The following LRRN2 variants were observed in gnomAD, a reference collection of about 807,000 sequenced individuals.
The protein encoded by LRRN2 is leucine-rich repeat neuronal protein 2.
Under a neutral mutation model 35.7 loss-of-function variants are expected in LRRN2, and 10 were observed. The observed-to-expected ratio is 0.28, with a 90% CI of 0.17 to 0.47. The LOEUF (loss-of-function observed/expected upper bound fraction) is 0.47. Ranked by LOEUF, LRRN2 falls within the 20% of genes least tolerant of loss-of-function variation. The pLI is 0.99. For synonymous variants in LRRN2, 391 were observed against 409.6 expected (o/e 0.95, Z 0.55); for missense variants, 731 against 940.3 (o/e 0.78, Z 2.91).
At chr1:204,644,078 T>C (rs1668045587) in intron 1 of LRRN2, among the ~76,000 whole-genome samples, 1 of 152,198 alleles carries the variant, frequency 6.6e-6, no homozygotes, top group Non-Finnish European at 1.5e-5. Flanking sequence ...CCAGCAGGCA[T>C]GGGCAGGGAC....
intron 1 of LRRN2, among the ~76,000 whole-genome samples, chr1:204,655,855 T>C (rs1282657952): frequency 2.6e-5 from 4 of 152,186 alleles, no homozygotes; most frequent in Admixed American, 2.6e-4. Context: ...AGCAGCACAG[T>C]GGCCCCCAGA....
chr1:204,644,662 G>A (rs954789607), intron 1 of LRRN2, among the ~76,000 whole-genome samples: 4 of 152,194 alleles, frequency 2.6e-5, no homozygotes, highest in African/African-American at 9.7e-5. Flanking sequence ...TTTAGCATGA[G>A]CCATGGCAAG....
intron 1 of LRRN2, among the ~76,000 whole-genome samples, chr1:204,651,970 G>A (rs1183004623): frequency 6.6e-6 from 1 of 152,200 alleles, no homozygotes; most frequent in East Asian, 1.9e-4. Flanking sequence ...CAGGGCCCAG[G>A]TGTCTCCCAG....
chr1:204,684,136 C>A (rs1265753009), intron 1 of LRRN2, among the ~76,000 whole-genome samples: 1 of 152,132 alleles, frequency 6.6e-6, no homozygotes, highest in Non-Finnish European at 1.5e-5. Context: ...ATGGGGAGAC[C>A]TACATCTTCC....
intron 1 of LRRN2, among the ~76,000 whole-genome samples, chr1:204,658,841 C>G: frequency 6.6e-6 from 1 of 152,234 alleles, no homozygotes; most frequent in East Asian, 1.9e-4. Flanking sequence ...GGGCCTGCAT[C>G]TTTTTTACTC....
At chr1:204,659,609 GGT>G (rs113175099) in intron 1 of LRRN2, among the ~76,000 whole-genome samples, 72,309 of 147,872 alleles carry the variant, frequency 0.49, 18,344 homozygotes, top group East Asian at 0.66. Context: ...TCTACCTTCA[GGT>G]GTGTGTGTGT....
At chr1:204,681,638 C>A (rs1305000091) in intron 1 of LRRN2, among the ~76,000 whole-genome samples, 2 of 152,144 alleles carry the variant, frequency 1.3e-5, no homozygotes, top group Admixed American at 1.3e-4. Context: ...TCCCCTGCAC[C>A]TAGCACAGAG....
In LRRN2 at chr1:204,619,402, G is replaced by A. The variant is rs370154931; in HGVS notation, c.591C>T (p.Gly197=). ...CCAGGATGGCATCTACCTTGTTGCCGCCAATCATGAGTATCTCCAAGTTGG... is the reference window on the plus strand; with the variant it reads ...CCAGGATGGCATCTACCTTGTTGCCACCAATCATGAGTATCTCCAAGTTGG... ...MLPNLEILMI[G]GNKVDAILDM... is the part of the protein sequence containing the mutation. The change falls in exon 2 of 2, where the codon GGC becomes GGT. Residue 197 remains glycine (G), a synonymous_variant. Transcript: ENST00000367177. The A allele has an allele frequency of 1.1e-4, 178 of 1,614,224 alleles. No homozygotes were observed. Among genetic ancestry groups the A allele is most frequent in the Non-Finnish European group, 1.4e-4 (162 of 1,180,034 alleles).
chr1:204,650,391 C>T (rs751867818), intron 1 of LRRN2, among the ~76,000 whole-genome samples: 8 of 152,198 alleles, frequency 5.3e-5, no homozygotes, highest in Non-Finnish European at 1.0e-4. Context: ...TCTGCCTTTA[C>T]CTCGTCACCA....
At chr1:204,642,203 A>G (rs1392556966) in intron 1 of LRRN2, among the ~76,000 whole-genome samples, 2 of 152,170 alleles carry the variant, frequency 1.3e-5, no homozygotes, top group East Asian at 1.9e-4. Flanking sequence ...TGTAATAATG[A>G]TAAAAATAAT....
chr1:204,680,935 C>T (rs967597832), intron 1 of LRRN2, among the ~76,000 whole-genome samples: 3 of 152,032 alleles, frequency 2.0e-5, no homozygotes, highest in Non-Finnish European at 2.9e-5. Context: ...TTTCCTAATC[C>T]GCAAACAGCA....
intron 1 of LRRN2, among the ~76,000 whole-genome samples, chr1:204,675,731 A>T (rs2102243037): frequency 6.6e-6 from 1 of 152,282 alleles, no homozygotes; most frequent in East Asian, 1.9e-4. Flanking sequence ...AGGGATTAGT[A>T]TATGGACATC....
intron 1 of LRRN2, among the ~76,000 whole-genome samples, chr1:204,648,434 T>A (rs1384295767): frequency 1.3e-5 from 2 of 152,160 alleles, no homozygotes; most frequent in African/African-American, 2.4e-5. Flanking sequence ...AGGAAATTCC[T>A]TCCATGTGCT....
chr1:204,637,333 A>AATGCTTCCCAGCCCT (rs1667859545), intron 1 of LRRN2, among the ~76,000 whole-genome samples: 2 of 152,330 alleles, frequency 1.3e-5, no homozygotes, highest in South Asian at 4.1e-4. Context: ...TTTCTAGCCC[A>AATGCTTCCCAGCCCT]ATGCTTCCCA....
At chr1:204,664,730 G>A (rs1610399) in intron 1 of LRRN2, 64,224 of 151,956 alleles carry the variant, frequency 0.42, 14,179 homozygotes, top group South Asian at 0.54. Flanking sequence ...TTTCAGCCTC[G>A]GGAAGCTCTT....
intron 1 of LRRN2, chr1:204,626,738 G>A (rs1667401778): frequency 6.6e-6 from 1 of 152,184 alleles, no homozygotes. Flanking sequence ...TTGCAGGACT[G>A]AGGGGTGCTC....
At chr1:204,643,889 C>G (rs1024684905) in intron 1 of LRRN2, among the ~76,000 whole-genome samples, 1 of 152,160 alleles carries the variant, frequency 6.6e-6, no homozygotes, top group African/African-American at 2.4e-5. Context: ...CTGCCCTGGC[C>G]TCTTCCCACC....
chr1:204,656,161 A>G (rs1251228473), intron 1 of LRRN2, among the ~76,000 whole-genome samples: 1 of 151,782 alleles, frequency 6.6e-6, no homozygotes, highest in East Asian at 1.9e-4. Context: ...TGCCCGCCTC[A>G]GCCTCCCAAA....
intron 1 of LRRN2, among the ~76,000 whole-genome samples, chr1:204,643,604 CCAGG>C (rs1439929418): frequency 1.3e-5 from 2 of 152,056 alleles, no homozygotes; most frequent in Non-Finnish European, 2.9e-5. Context: ...GGAGTGTGTG[CCAGG>C]CAGAGCTGTG....
Sources: gnomAD v4.1 joint callset for allele counts (sites outside exome capture counted in the v4.1 genomes callset) on GRCh38, gnomAD v4.1.1 for gene constraint, MANE v1.5 for transcripts, NCBI Gene and HGNC (gene_info 2026-07-23, HGNC 2026-07-21) for gene names.